The following ZNF273 variants were observed in gnomAD, a reference collection of about 807,000 sequenced individuals.
ZNF273 encodes zinc finger protein 273.
ZNF273 carries 11 observed loss-of-function variants against 14.9 expected under a neutral mutation model. The ratio of observed to expected loss-of-function variants is 0.74; its 90% CI spans 0.46 to 1.22. The LOEUF (loss-of-function observed/expected upper bound fraction) is 1.22, where lower values mean the gene tolerates loss of function less well. Ranked by LOEUF, ZNF273 falls within the 50% of genes most tolerant of loss-of-function variation. The pLI, the probability that ZNF273 is intolerant of heterozygous loss-of-function variation, is 0.00. For missense variants in ZNF273, 577 were observed against 660.6 expected (o/e 0.87, Z 1.39); for synonymous variants, 199 against 223.9 (o/e 0.89, Z 0.99).
At chr7:64,891,117 G>T (rs1262686818), downstream of ZNF273, among the ~76,000 whole-genome samples, 1 of 152,202 alleles carries the variant, frequency 6.6e-6, no homozygotes, top group South Asian at 2.1e-4. Context: ...GCCTGGGCAG[G>T]ATGATGTCTT....
intron 1 of ZNF273, among the ~76,000 whole-genome samples, chr7:64,916,810 C>T (rs1199488237): frequency 2.0e-5 from 3 of 151,762 alleles, no homozygotes; most frequent in South Asian, 2.1e-4. Context: ...ATGTTCTGCA[C>T]ATGTAACCCA....
chr7:64,927,149 A>G (rs896394423), intron 3 of ZNF273, among the ~76,000 whole-genome samples: 2 of 152,198 alleles, frequency 1.3e-5, no homozygotes, highest in African/African-American at 4.8e-5. Context: ...CTGAAGTCCA[A>G]TGGCGTAGTC....
At chr7:64,906,877 C>A (rs560819572) in intron 1 of ZNF273, among the ~76,000 whole-genome samples, 56 of 151,782 alleles carry the variant, frequency 3.7e-4, no homozygotes, top group Non-Finnish European at 7.1e-4. Context: ...TTGCAACAGG[C>A]AAAGTACCAA....
intron 3 of ZNF273, among the ~76,000 whole-genome samples, chr7:64,919,349 A>C (rs1315489785): frequency 6.6e-6 from 1 of 152,150 alleles, no homozygotes; most frequent in East Asian, 1.9e-4. Flanking sequence ...TCTTCATTGT[A>C]AAGATTTTTT....
At chr7:64,919,166 T>A (rs1393425337) in intron 3 of ZNF273, among the ~76,000 whole-genome samples, 1 of 152,226 alleles carries the variant, frequency 6.6e-6, no homozygotes, top group African/African-American at 2.4e-5. Flanking sequence ...TGTAGTTTCA[T>A]GTAAATTTTA....
At chr7:64,883,741 G>C (rs1171081704), downstream of ZNF273, among the ~76,000 whole-genome samples, 1 of 152,142 alleles carries the variant, frequency 6.6e-6, no homozygotes, top group Non-Finnish European at 1.5e-5. Flanking sequence ...ACTGAGGCTG[G>C]GCGTGATGTG....
intron 1 of ZNF273, among the ~76,000 whole-genome samples, chr7:64,916,623 T>C (rs1363091179): frequency 6.6e-6 from 1 of 150,690 alleles, no homozygotes; most frequent in Non-Finnish European, 1.5e-5. Flanking sequence ...GGCATAAAAC[T>C]GATGTTTGTG....
chr7:64,933,328 T>C (rs1795030212), downstream of ZNF273: 1 of 152,238 alleles, frequency 6.6e-6, no homozygotes, highest in African/African-American at 2.4e-5. Context: ...ACAGCTTTTA[T>C]TCTTAGTCAC....
chr7:64,927,684 G>A lies in ZNF273; in HGVS notation c.356G>A (p.Trp119Ter). ...TGTTCTCATTTTGCCCAAGACCTTTGGCCAAAGCAGGGCTTAAAAGATTCT... is the reference window on the plus strand; with the variant it reads ...TGTTCTCATTTTGCCCAAGACCTTTAGCCAAAGCAGGGCTTAAAAGATTCT... ...VVCSHFAQDL[W>*]PKQGLKDSFQ... is the part of the protein sequence containing the mutation. The change falls in exon 4 of 4, where the codon TGG (tryptophan) becomes TAG (stop). Residue 119 changes from tryptophan to a stop codon, truncating the protein, a stop_gained. Coordinates refer to ENST00000476120, the MANE Select transcript of ZNF273 (RefSeq NM_021148.3). LOFTEE classifies it low-confidence loss of function (END_TRUNC). The A allele has an allele frequency of 8.8e-6, 14 of 1,590,892 alleles. No individual in the cohort carries two copies. Among genetic ancestry groups the A allele is most frequent in the Non-Finnish European group, 1.1e-5 (13 of 1,171,632 alleles).
At chr7:64,925,054 G>A (rs1490346092) in intron 3 of ZNF273, among the ~76,000 whole-genome samples, 3 of 151,946 alleles carry the variant, frequency 2.0e-5, no homozygotes, top group Non-Finnish European at 1.5e-5. Context: ...CCACCGCCTC[G>A]GTCTCCCAAA....
intron 1 of ZNF273, chr7:64,917,170 A>G (rs763044498): frequency 5.3e-6 from 6 of 1,131,596 alleles, no homozygotes; most frequent in Non-Finnish European, 5.8e-6. Context: ...ATCTTCTGGA[A>G]AGAAAATCTG....
chr7:64,903,278 T>C lies in ZNF273; in HGVS notation c.-40T>C. On this transcript the variant is annotated 5_prime_UTR_variant, in exon 1 of 4. Transcript: ENST00000476120. The stretch of plus-strand genomic sequence containing the variant: ...CGGGATTTGGCGGGGCCTTTGTCTC[T>C]CGCTGCAGTCGCAGCTCCAGGTCTC... 1.9e-6 allele frequency: 3 copies of C among 1,539,182 alleles called. No homozygotes were observed. Among genetic ancestry groups the C allele is most frequent in the Non-Finnish European group, 2.7e-6 (3 of 1,116,242 alleles).
chr7:64,914,365 CTAT>C (rs1217377670), intron 1 of ZNF273, among the ~76,000 whole-genome samples: 1 of 148,280 alleles, frequency 6.7e-6, no homozygotes, highest in East Asian at 2.0e-4. Flanking sequence ...AAAAAAAACA[CTAT>C]TATTATTACT....
rs141660894 is a variant in ZNF273 at position 64,904,669 on chromosome 7, A to G, written c.102+1250A>G. Reference sequence around the variant, plus strand: ...CATTATTTTAGTGTACATTTTAGATACTGTATTTTAATTAATCATTTTTTG... The same window carrying G: ...CATTATTTTAGTGTACATTTTAGATGCTGTATTTTAATTAATCATTTTTTG... On this transcript the variant is annotated intron_variant, in intron 1 of 3. Coordinates refer to ENST00000476120, the MANE Select transcript of ZNF273 (RefSeq NM_021148.3). 1.8e-3 allele frequency among the ~76,000 whole-genome samples: 274 copies of G among 152,326 alleles called. 1 individual carries two copies. The highest frequency in any genetic ancestry group is 6.3e-3 in the African/African-American group (260 of 41,574).
chr7:64,882,914 T>C (rs911181387), downstream of ZNF273: 9 of 152,434 alleles, frequency 5.9e-5, no homozygotes, highest in African/African-American at 2.2e-4. Flanking sequence ...GCTGCCGGGC[T>C]GTGTGTTTCT....
At chr7:64,908,907 T>C (rs1281273510) in intron 1 of ZNF273, among the ~76,000 whole-genome samples, 1 of 152,316 alleles carries the variant, frequency 6.6e-6, no homozygotes, top group East Asian at 1.9e-4. Flanking sequence ...ATTTTGTTTT[T>C]ATTAAATATT....
chr7:64,889,665 C>T, downstream of ZNF273: 1 of 985,540 alleles, frequency 1.0e-6, no homozygotes, highest in African/African-American at 1.7e-5. This position sits in a 1 kb window ranked among gnomAD's most constrained non-coding sequence, Gnocchi z 4.2. Flanking sequence ...GTTCTGGAAC[C>T]GTCGCCCTGG....
chr7:64,889,467 G>C, downstream of ZNF273: 1 of 985,918 alleles, frequency 1.0e-6, no homozygotes, highest in Non-Finnish European at 1.2e-6. The surrounding 1 kb of genome is among the most constrained non-coding windows in gnomAD (Gnocchi z 4.2). Context: ...CTGGGGCTGC[G>C]TCCCCGCGGG....
Position 64,929,018 on chromosome 7 carries a change from C to G in ZNF273, c.1690C>G (p.His564Asp). The change falls in exon 4 of 4, where the codon CAT (histidine) becomes GAT (aspartate). Residue 564 changes from histidine (H) to aspartate (D), a missense_variant. Transcript: ENST00000476120. The part of the protein sequence containing the change: ...TPNFSRHKRN[H>D]MGEKS Reference sequence around the variant, plus strand: ...AAACTTTTCTAGACATAAAAGAAATCATATGGGTGAGAAATCCTAGAAATG... The same window carrying G: ...AAACTTTTCTAGACATAAAAGAAATGATATGGGTGAGAAATCCTAGAAATG... 2 of 1,538,278 alleles carry G rather than the reference C, an allele frequency of 1.3e-6. No individual in the cohort carries two copies. The highest frequency in any genetic ancestry group is 1.7e-6 in the Non-Finnish European group (2 of 1,148,980).
Sources: allele counts gnomAD v4.1 joint callset (sites outside exome capture counted in the v4.1 genomes callset), GRCh38; gene constraint gnomAD v4.1.1; non-coding constraint Gnocchi (gnomAD v3.1); transcripts MANE v1.5; gene names NCBI Gene and HGNC (gene_info 2026-07-23, HGNC 2026-07-21).